DCLK1: variants seen among roughly 807,000 people sequenced by gnomAD.
DCLK1 encodes doublecortin like kinase 1.
Under a neutral mutation model 86.2 loss-of-function variants are expected in DCLK1, and 16 were observed. That is an observed-to-expected ratio of 0.19 (90% CI 0.13 to 0.28). The LOEUF (loss-of-function observed/expected upper bound fraction) is 0.28, where lower values mean the gene tolerates loss of function less well. DCLK1 is among the 10% of genes least tolerant of loss of function. DCLK1 has a pLI of 1.00. For missense variants in DCLK1, 590 were observed against 940.2 expected, an observed-to-expected ratio of 0.63 and a Z score of 4.87; for synonymous variants, 369 against 370.5, an observed-to-expected ratio of 1.00 and a Z score of 0.05.
chr13:35,928,825 G>A (rs1342817495), intron 4 of DCLK1, among the ~76,000 whole-genome samples: 1 of 152,148 alleles, frequency 6.6e-6, no homozygotes, highest in African/African-American at 2.4e-5. Flanking sequence ...TTGTCTATAA[G>A]CCCTTGTGGG....
intron 16 of DCLK1, among the ~76,000 whole-genome samples, chr13:35,786,966 A>G (rs1453055304): frequency 1.3e-5 from 2 of 151,992 alleles, no homozygotes; most frequent in Non-Finnish European, 2.9e-5. Context: ...TGATTTTAGT[A>G]TATCTGAATC....
Position 35,928,263 on chromosome 13 carries a change from G to A in DCLK1, c.823+19095C>T, listed in dbSNP as rs116721439. Among the ~76,000 whole-genome samples the A allele has an allele frequency of 4.4e-3, 674 of 152,198 alleles. 1 individual carries two copies. Among genetic ancestry groups the A allele is most frequent in the African/African-American group, 0.015 (617 of 41,518 alleles). On this transcript the variant is annotated intron_variant, in intron 4 of 16. Coordinates refer to ENST00000360631, the MANE Select transcript of DCLK1 (RefSeq NM_001330071.2). ...GCCCTTAACCTATGAAGTCTGGGCC[G>A]ACTCCTGGTAGTTGGTGTTGGAACT...
chr13:35,874,794 C>A (rs928746629), intron 4 of DCLK1, among the ~76,000 whole-genome samples: 1 of 152,178 alleles, frequency 6.6e-6, no homozygotes. Context: ...AGCTTTGGAA[C>A]GTGCCAAGGA....
chr13:36,086,799 C>A (rs1361448564), intron 3 of DCLK1, among the ~76,000 whole-genome samples: 3 of 152,158 alleles, frequency 2.0e-5, no homozygotes, highest in African/African-American at 7.2e-5. Context: ...AGGACATGAA[C>A]TCACTCTTTT....
chr13:35,878,295 T>C (rs1431358735), intron 4 of DCLK1, among the ~76,000 whole-genome samples: 3 of 152,170 alleles, frequency 2.0e-5, no homozygotes, highest in Non-Finnish European at 4.4e-5. Flanking sequence ...GTAGGCTTCT[T>C]GAGGAAAGGA....
At chr13:35,993,166 G>C (rs1396605500) in intron 3 of DCLK1, among the ~76,000 whole-genome samples, 1 of 152,120 alleles carries the variant, frequency 6.6e-6, no homozygotes, top group Non-Finnish European at 1.5e-5. Flanking sequence ...AAGCTGCTCT[G>C]CTCTCTTTTA....
At chr13:35,911,918 G>A (rs1200766436) in intron 4 of DCLK1, among the ~76,000 whole-genome samples, 2 of 152,158 alleles carry the variant, frequency 1.3e-5, no homozygotes, top group African/African-American at 4.8e-5. Context: ...GGAGTCCTGT[G>A]GCCAGGACCC....
At chr13:35,932,786 G>A (rs1383079079) in intron 4 of DCLK1, among the ~76,000 whole-genome samples, 1 of 152,208 alleles carries the variant, frequency 6.6e-6, no homozygotes, top group East Asian at 1.9e-4. Flanking sequence ...TTTGGGTGGG[G>A]ACACAGGGCC....
chr13:36,059,462 G>A (rs1377906209), intron 3 of DCLK1, among the ~76,000 whole-genome samples: 1 of 150,982 alleles, frequency 6.6e-6, no homozygotes, highest in Non-Finnish European at 1.5e-5. Context: ...CAGTGGGCCT[G>A]GAAATAAAAT....
chr13:35,996,279 A>G (rs1178468968), intron 3 of DCLK1, among the ~76,000 whole-genome samples: 6 of 152,218 alleles, frequency 3.9e-5, no homozygotes. Context: ...AAGGAGAGAT[A>G]GATTAAGGCC....
At position 35,772,983 on chromosome 13, in the gene DCLK1, A is replaced by C. The variant is rs546512142; in HGVS notation, c.*1552T>G. The C allele has an allele frequency of 6.6e-6, 1 of 152,298 alleles. No homozygotes were observed. The highest frequency in any genetic ancestry group is 2.4e-5 in the African/African-American group (1 of 41,562). The allele number at this position is 152,298 out of a possible 1,614,324, so 9.4% of individuals were successfully genotyped here. A position where few individuals can be genotyped will look rare whatever the true frequency, so the allele number is the denominator to read the frequency against. On this transcript the variant is annotated 3_prime_UTR_variant, in exon 17 of 17. Coordinates refer to ENST00000360631, the MANE Select transcript of DCLK1 (RefSeq NM_001330071.2). The stretch of plus-strand genomic sequence containing the variant: ...GGTACTGTTCAGCCACCAGATGCAA[A>C]TTTCATGAGATATCCCTCTCTGGTT...
At chr13:35,814,491 T>C (rs1845312730) in intron 11 of DCLK1, among the ~76,000 whole-genome samples, 1 of 152,216 alleles carries the variant, frequency 6.6e-6, no homozygotes, top group Non-Finnish European at 1.5e-5. Context: ...AGAAAGGGCA[T>C]GAGCAGGCTG....
At chr13:35,837,827 A>G (rs1869497142) in intron 7 of DCLK1, among the ~76,000 whole-genome samples, 1 of 152,076 alleles carries the variant, frequency 6.6e-6, no homozygotes, top group African/African-American at 2.4e-5. Context: ...GCACTTTGGG[A>G]GGCCGAGGCA....
intron 4 of DCLK1, among the ~76,000 whole-genome samples, chr13:35,891,849 T>C (rs1421103773): frequency 6.6e-6 from 1 of 152,184 alleles, no homozygotes; most frequent in Non-Finnish European, 1.5e-5. Flanking sequence ...CTCTTTCCCT[T>C]CTCAAATTCT....
intron 3 of DCLK1, among the ~76,000 whole-genome samples, chr13:36,022,583 G>T (rs75675922): frequency 0.023 from 3,565 of 152,044 alleles, 41 homozygotes; most frequent in South Asian, 0.059. Context: ...TAAAAGAGGG[G>T]TCATCACTTT....
chr13:36,051,545 T>C (rs916960272), intron 3 of DCLK1, among the ~76,000 whole-genome samples: 20 of 151,918 alleles, frequency 1.3e-4, no homozygotes, highest in Admixed American at 6.6e-4. Flanking sequence ...TTTTAATCCT[T>C]ACCCTCATGT....
chr13:35,895,584 G>A (rs569551271), intron 4 of DCLK1, among the ~76,000 whole-genome samples: 2 of 152,094 alleles, frequency 1.3e-5, no homozygotes, highest in South Asian at 2.1e-4. Context: ...TATCAGAAGT[G>A]GCTAATTATG....
chr13:35,992,678 T>A (rs1043301076), intron 3 of DCLK1, among the ~76,000 whole-genome samples: 3 of 152,182 alleles, frequency 2.0e-5, no homozygotes, highest in African/African-American at 7.2e-5. Context: ...TATGATCATA[T>A]GTTCAATTTG....
intron 3 of DCLK1, among the ~76,000 whole-genome samples, chr13:35,981,811 A>C (rs958569408): frequency 6.6e-6 from 1 of 152,236 alleles, no homozygotes; most frequent in Non-Finnish European, 1.5e-5. Flanking sequence ...TAAACCCAGA[A>C]ATGGAATTGC....
Sources: allele counts gnomAD v4.1 joint callset (sites outside exome capture counted in the v4.1 genomes callset), GRCh38; gene constraint gnomAD v4.1.1; transcripts MANE v1.5; gene names NCBI Gene and HGNC (gene_info 2026-07-23, HGNC 2026-07-21).